Variants in HYAL4 observed in about 807,000 individuals in gnomAD.
HYAL4 encodes hyaluronidase-4.
HYAL4 carries 37 observed loss-of-function variants against 35.2 expected under a neutral mutation model. The ratio of observed to expected loss-of-function variants is 1.05; its 90% CI spans 0.81 to 1.38. The LOEUF (loss-of-function observed/expected upper bound fraction) is 1.38. HYAL4 is among the 40% of genes most tolerant of loss of function. The pLI is 0.00. For missense variants in HYAL4, 572 were observed against 572.4 expected (o/e 1.00, Z 0.01); for synonymous variants, 198 against 203.2 (o/e 0.97, Z 0.22).
the HYAL4 span, among the ~76,000 whole-genome samples, chr7:123,802,017 C>T: frequency 5.4e-3 from 821 of 152,184 alleles, 8 homozygotes; most frequent in African/African-American, 0.019. Flanking sequence ...CTTGTCTTTT[C>T]TCTTATTCCT....
chr7:123,790,908 G>A, the HYAL4 span, among the ~76,000 whole-genome samples: 2 of 151,764 alleles, frequency 1.3e-5, no homozygotes, highest in East Asian at 3.9e-4. Flanking sequence ...GGGATTACAG[G>A]CACCCACCAC....
At chr7:123,785,398 A>T in the HYAL4 span, among the ~76,000 whole-genome samples, 1 of 152,072 alleles carries the variant, frequency 6.6e-6, no homozygotes, top group Non-Finnish European at 1.5e-5. This position sits in a 1 kb window ranked among gnomAD's most constrained non-coding sequence, Gnocchi z 4.5. Context: ...AAGTATTTGG[A>T]TTTCTTTAAA....
chr7:123,809,465 G>A, the HYAL4 span, among the ~76,000 whole-genome samples: 2 of 144,916 alleles, frequency 1.4e-5, no homozygotes, highest in South Asian at 2.2e-4. Flanking sequence ...GCGTGATCTC[G>A]GCTCACTGCA....
intron 1 of HYAL4, among the ~76,000 whole-genome samples, chr7:123,838,502 A>G: frequency 6.6e-6 from 1 of 152,050 alleles, no homozygotes. Flanking sequence ...TGTTTTGTAT[A>G]GTTTTTGTAT....
At chr7:123,832,558 G>A (rs1012786338) in intron 1 of HYAL4, among the ~76,000 whole-genome samples, 1 of 128,306 alleles carries the variant, frequency 7.8e-6, no homozygotes, top group Non-Finnish European at 1.6e-5. Flanking sequence ...GGAGTGCAGC[G>A]GTGCCATCTC....
At chr7:123,814,159 G>A in the HYAL4 span, 2 of 152,414 alleles carry the variant, frequency 1.3e-5, no homozygotes, top group Non-Finnish European at 1.5e-5. Flanking sequence ...CATGGGTGGC[G>A]TGGTTAGGAG....
intron 1 of HYAL4, among the ~76,000 whole-genome samples, chr7:123,838,444 T>C (rs1425088876): frequency 6.6e-6 from 1 of 152,046 alleles, no homozygotes; most frequent in Admixed American, 6.6e-5. Flanking sequence ...CAACAAATAA[T>C]ATCAACATTA....
chr7:123,770,031 A>G, the HYAL4 span, among the ~76,000 whole-genome samples: 1 of 152,110 alleles, frequency 6.6e-6, no homozygotes, highest in Non-Finnish European at 1.5e-5. Context: ...TAATAATAAA[A>G]GGCTGGGCAT....
chr7:123,775,465 C>T, the HYAL4 span, among the ~76,000 whole-genome samples: 10 of 152,116 alleles, frequency 6.6e-5, no homozygotes, highest in South Asian at 1.9e-3. Flanking sequence ...AAAAAAGTGC[C>T]ATGAGAGTTC....
At chr7:123,840,616 T>C (rs1052920963), upstream of HYAL4, among the ~76,000 whole-genome samples, 1 of 152,068 alleles carries the variant, frequency 6.6e-6, no homozygotes, top group African/African-American at 2.4e-5. Flanking sequence ...TTCCTATGCA[T>C]GAGCATGGAA....
chr7:123,842,226 C>T (rs1049720927), upstream of HYAL4, among the ~76,000 whole-genome samples: 21 of 152,008 alleles, frequency 1.4e-4, no homozygotes, highest in African/African-American at 4.3e-4. Flanking sequence ...AAAAGAACAT[C>T]TTTATTCCTG....
intron 2 of HYAL4, among the ~76,000 whole-genome samples, chr7:123,858,462 C>T (rs1009089301): frequency 6.6e-6 from 1 of 152,004 alleles, no homozygotes; most frequent in Non-Finnish European, 1.5e-5. Context: ...GGACATAAGA[C>T]GTCCATTGAG....
At chr7:123,876,511 A>G (rs1807027850) in intron 4 of HYAL4, among the ~76,000 whole-genome samples, 2 of 152,232 alleles carry the variant, frequency 1.3e-5, no homozygotes, top group South Asian at 4.1e-4. Flanking sequence ...TAGCCTGATT[A>G]TAACATAGTA....
chr7:123,874,559 C>G (rs961194283), intron 3 of HYAL4, among the ~76,000 whole-genome samples: 7 of 152,234 alleles, frequency 4.6e-5, no homozygotes, highest in African/African-American at 1.7e-4. Flanking sequence ...CCCACCACCA[C>G]GCCTGGCTAA....
the HYAL4 span, among the ~76,000 whole-genome samples, chr7:123,777,914 C>G: frequency 1.4e-5 from 2 of 146,932 alleles, no homozygotes; most frequent in Non-Finnish European, 3.0e-5. Flanking sequence ...CAAAATTCTT[C>G]GTTAGTTTTT....
chr7:123,821,690 T>C, the HYAL4 span, among the ~76,000 whole-genome samples: 2 of 152,218 alleles, frequency 1.3e-5, no homozygotes, highest in Non-Finnish European at 2.9e-5. Context: ...GCCTGTCCTT[T>C]TGGTGTCATG....
At chr7:123,845,991 T>C (rs1183940716) in intron 1 of HYAL4, among the ~76,000 whole-genome samples, 1 of 152,216 alleles carries the variant, frequency 6.6e-6, no homozygotes, top group African/African-American at 2.4e-5. Context: ...CACAGAGTCC[T>C]GTGATGTAAA....
chr7:123,832,033 A>G (rs1805891183), intron 1 of HYAL4, among the ~76,000 whole-genome samples: 1 of 152,168 alleles, frequency 6.6e-6, no homozygotes. Flanking sequence ...TTCAACATAT[A>G]AACTCTGAAC....
At chr7:123,828,942 C>T (rs1277176314), upstream of HYAL4, 1 of 152,634 alleles carries the variant, frequency 6.6e-6, no homozygotes, top group Non-Finnish European at 1.5e-5. Flanking sequence ...AAGTAGATTT[C>T]TGTTTTTCCT....
Sources: gnomAD v4.1 joint callset for allele counts (sites outside exome capture counted in the v4.1 genomes callset) on GRCh38, gnomAD v4.1.1 for gene constraint, Gnocchi (gnomAD v3.1) non-coding constraint, MANE v1.5 for transcripts, NCBI Gene and HGNC (gene_info 2026-07-23, HGNC 2026-07-21) for gene names.